LRCH3: variants seen among roughly 807,000 people sequenced by gnomAD.
LRCH3 encodes leucine rich repeats and calponin homology domain containing 3, also known as DISP complex protein LRCH3.
LRCH3 carries 68 observed loss-of-function variants against 104.5 expected under a neutral mutation model. That is an observed-to-expected ratio of 0.65 (90% CI 0.54 to 0.80). The LOEUF (loss-of-function observed/expected upper bound fraction) is 0.80, where lower values mean the gene tolerates loss of function less well. Ranked by LOEUF, LRCH3 falls within the 30% of genes least tolerant of loss-of-function variation. LRCH3 has a pLI of 0.00. For missense variants in LRCH3, 951 were observed against 953.9 expected, an observed-to-expected ratio of 1.00 and a Z score of 0.04; for synonymous variants, 344 against 361.3, an observed-to-expected ratio of 0.95 and a Z score of 0.54.
intron 1 of LRCH3, among the ~76,000 whole-genome samples, chr3:197,793,024 A>T (rs1730799178): frequency 6.6e-6 from 1 of 152,150 alleles, no homozygotes; most frequent in South Asian, 2.1e-4. Flanking sequence ...CCTGGGCTCA[A>T]GCTATCCGCC....
rs553568665 is a variant in LRCH3, at chr3:197,881,252, C to T, written c.2209-2289C>T. 21 of 996,486 alleles carry T rather than the reference C, an allele frequency of 2.1e-5. No homozygotes were observed. In the East Asian group the frequency reaches 1.8e-3, roughly 85 times the overall value. The allele number at this position is 996,486 out of a possible 1,614,324, so 61.7% of individuals were successfully genotyped here. A position where few individuals can be genotyped will look rare whatever the true frequency, so the allele number is the denominator to read the frequency against. The stretch of plus-strand genomic sequence containing the variant: ...CTGAGATCCTGAATCCCCGCTTTGT[C>T]GGTAGGCACAGGTCCATATAAGCAT... On this transcript the variant is annotated intron_variant, in intron 20 of 20. Transcript: ENST00000425562.
At chr3:197,812,407 A>G (rs1733226584) in intron 1 of LRCH3, among the ~76,000 whole-genome samples, 1 of 149,124 alleles carries the variant, frequency 6.7e-6, no homozygotes. Flanking sequence ...CTGTTCACCC[A>G]TTGGTAGACA....
At chr3:197,851,768 GAGATGGTGAATAAATCAC>G (rs1181231757) in intron 12 of LRCH3, among the ~76,000 whole-genome samples, 1 of 152,138 alleles carries the variant, frequency 6.6e-6, no homozygotes, top group South Asian at 2.1e-4. Flanking sequence ...ACCTATAAGA[GAGATGGTGAATAAATCAC>G]AGATGGTGAA....
chr3:197,801,259 A>G (rs931905324), intron 1 of LRCH3, among the ~76,000 whole-genome samples: 1 of 152,184 alleles, frequency 6.6e-6, no homozygotes, highest in Non-Finnish European at 1.5e-5. Context: ...AAGTACAAAG[A>G]AAAGGAAATA....
At chr3:197,817,091 T>G in intron 2 of LRCH3, 85 bp from the exon 3 acceptor site, 1 of 1,208,720 alleles carries the variant, frequency 8.3e-7, no homozygotes, top group Non-Finnish European at 1.1e-6. Flanking sequence ...TATTTGTTAT[T>G]TTACTGAGTA....
chr3:197,849,964 A>G (rs565448485), intron 12 of LRCH3, among the ~76,000 whole-genome samples: 47 of 152,262 alleles, frequency 3.1e-4, no homozygotes, highest in Non-Finnish European at 5.4e-4. Flanking sequence ...TCAAGACAGT[A>G]GAAGACTTAG....
At chr3:197,836,381 T>G (rs1736793566) in intron 9 of LRCH3, among the ~76,000 whole-genome samples, 1 of 152,246 alleles carries the variant, frequency 6.6e-6, no homozygotes. Flanking sequence ...AAATGTGCAT[T>G]CAGCCCACTA....
rs770222559 is a variant in LRCH3, at chr3:197,880,707, G to A, written c.2209-2834G>A. On this transcript the variant is annotated intron_variant, in intron 20 of 20. Transcript: ENST00000425562. The stretch of plus-strand genomic sequence containing the variant: ...TGTGCTTTATTACTGGCTCTTCCCC[G>A]CTCGCTGAAAGATTGCACTCCGGTG... The A allele has an allele frequency of 1.8e-5, 27 of 1,536,494 alleles. 1 individual carries two copies. In the South Asian group the frequency reaches 2.3e-4, roughly 13 times the overall value.
At chr3:197,843,792 A>T (rs770434029) in intron 10 of LRCH3, among the ~76,000 whole-genome samples, 6 of 152,142 alleles carry the variant, frequency 3.9e-5, no homozygotes, top group Non-Finnish European at 8.8e-5. Flanking sequence ...TTGTTTTTTT[A>T]TGTCTCAATA....
rs771303842 is a variant in LRCH3, at chr3:197,865,500, C to G, written c.1765+29C>G. 4 of 1,362,678 alleles carry G rather than the reference C, an allele frequency of 2.9e-6. No homozygotes were observed. In the Admixed American group the frequency reaches 1.0e-4, roughly 34 times the overall value. The allele number at this position is 1,362,678 out of a possible 1,614,324, so 84.4% of individuals were successfully genotyped here. ...ATAGACACAAAGGTGCAATTAACCA[C>G]ATCAAGATTATAATTCTTTATTTTT... On this transcript the variant is annotated intron_variant, in intron 16 of 20. Coordinates refer to ENST00000425562, the MANE Select transcript of LRCH3 (RefSeq NM_001365715.1).
At chr3:197,850,956 T>C (rs964308596) in intron 12 of LRCH3, 3 of 788,446 alleles carry the variant, frequency 3.8e-6, no homozygotes, top group Non-Finnish European at 7.0e-6. Context: ...GCGAACCATT[T>C]TTCACAGATT....
rs2109255027 is a variant in LRCH3 at position 197,826,928 on chromosome 3, A to C, written c.691A>C (p.Thr231Pro). The change falls in exon 5 of 21, where the codon ACC becomes CCC. Residue 231 changes from threonine to proline, a missense_variant. Physicochemically the swap from Thr to Pro is conservative, Grantham distance 38 (BLOSUM62 -1). Transcript: ENST00000425562. ...GTTAGACTTCTCATGCAATAAAATT[A>C]CCACAATCCCTGTTTGTTATCGGAA... ...IRLDFSCNKITTIPVCYRNLR... is the reference protein window; with the variant it reads ...IRLDFSCNKIPTIPVCYRNLR... 6.2e-7 allele frequency: 1 copy of C among 1,614,110 alleles called. No homozygotes were observed. The highest frequency in any genetic ancestry group is 8.5e-7 in the Non-Finnish European group (1 of 1,180,016).
chr3:197,886,973 T>G lies in LRCH3; in HGVS notation c.*3307T>G, dbSNP rs1714248705. 1 of 152,218 alleles carries G rather than the reference T, an allele frequency of 6.6e-6. No individual in the cohort carries two copies. Among genetic ancestry groups the G allele is most frequent in the Admixed American group, 6.5e-5 (1 of 15,280 alleles). 9.4% of individuals were successfully genotyped at this position (152,218 alleles called of 1,614,324 possible). ...ATTTTGCACATATTATGAAACCTTA[T>G]TAATGTATTTTTATCAAACTAAATC... On this transcript the variant is annotated 3_prime_UTR_variant, in exon 21 of 21. Transcript: ENST00000425562.
intron 1 of LRCH3, among the ~76,000 whole-genome samples, chr3:197,803,830 A>G (rs1180846733): frequency 2.0e-5 from 3 of 152,218 alleles, no homozygotes; most frequent in African/African-American, 7.2e-5. Flanking sequence ...TTTCAGTTTA[A>G]GAAGCACTGC....
intron 9 of LRCH3, among the ~76,000 whole-genome samples, chr3:197,838,802 TTTGTC>T: frequency 6.6e-6 from 1 of 152,332 alleles, no homozygotes; most frequent in Non-Finnish European, 1.5e-5. Flanking sequence ...TACTTTTTGT[TTTGTC>T]TTGATATTCA....
intron 9 of LRCH3, among the ~76,000 whole-genome samples, chr3:197,838,091 G>T (rs932022323): frequency 6.6e-6 from 1 of 151,812 alleles, no homozygotes; most frequent in African/African-American, 2.4e-5. Context: ...GTAAGCCACT[G>T]GTACAGCGTC....
rs1349342559 is a variant in LRCH3 at position 197,817,167 on chromosome 3, C to A, written c.408-9C>A. On this transcript the variant is annotated splice_polypyrimidine_tract_variant and intron_variant, in intron 2 of 20. Coordinates refer to ENST00000425562, the MANE Select transcript of LRCH3 (RefSeq NM_001365715.1). ...TCTGATTCTTCTCTCTTTCTACTTACCCATTTAGTCGGAACCAACTGTCAA... is the reference window on the plus strand; with the variant it reads ...TCTGATTCTTCTCTCTTTCTACTTAACCATTTAGTCGGAACCAACTGTCAA... The A allele has an allele frequency of 6.3e-7, 1 of 1,586,726 alleles. No individual in the cohort carries two copies. Among genetic ancestry groups the A allele is most frequent in the African/African-American group, 1.4e-5 (1 of 73,206 alleles).
At chr3:197,878,622 C>T (rs1034541978) in intron 20 of LRCH3, among the ~76,000 whole-genome samples, 2 of 152,210 alleles carry the variant, frequency 1.3e-5, no homozygotes, top group Admixed American at 6.5e-5. Flanking sequence ...CCCACCACAA[C>T]CACTGCCAGT....
intron 10 of LRCH3, 82 bp from the exon 11 acceptor site, chr3:197,847,327 T>C: frequency 7.7e-7 from 1 of 1,302,982 alleles, no homozygotes; most frequent in African/African-American, 1.5e-5. Flanking sequence ...ACATTTACAA[T>C]AAAAATTTCA....
Sources: gnomAD v4.1 joint callset for allele counts (sites outside exome capture counted in the v4.1 genomes callset) on GRCh38, gnomAD v4.1.1 for gene constraint, MANE v1.5 for transcripts, NCBI Gene and HGNC (gene_info 2026-07-23, HGNC 2026-07-21) for gene names.